BMP8A: variants seen among roughly 807,000 people sequenced by gnomAD.
BMP8A encodes BMP-8A.
A neutral mutation model predicts 36.8 loss-of-function variants in BMP8A; 14 were observed. The ratio of observed to expected loss-of-function variants is 0.38; its 90% CI spans 0.25 to 0.60. The LOEUF is 0.60. Ranked by LOEUF, BMP8A falls within the 20% of genes least tolerant of loss-of-function variation. BMP8A has a pLI of 0.63. For synonymous variants in BMP8A, 120 were observed against 237.7 expected (o/e 0.50, Z 4.55); for missense variants, 267 against 551.1 (o/e 0.48, Z 5.16).
chr1:39,509,268 T>G (rs1006978356), intron 1 of BMP8A, among the ~76,000 whole-genome samples: 4 of 152,204 alleles, frequency 2.6e-5, no homozygotes, highest in Non-Finnish European at 5.9e-5. Flanking sequence ...GGACTGATTT[T>G]GTCTTGCAAA....
At position 39,526,339 on chromosome 1, in the gene BMP8A, ATT is replaced by A. The variant is rs113902821; in HGVS notation, c.*556_*557del. Reference sequence around the variant, plus strand: ...GGACATCCCCACGAAGCCACTGGGGATTTTTTTTTTTTTTTTCCAGATAGAGT... The same window carrying A: ...GGACATCCCCACGAAGCCACTGGGGATTTTTTTTTTTTTTCCAGATAGAGT... On this transcript the variant is annotated 3_prime_UTR_variant, in exon 7 of 7. Transcript: ENST00000331593. 5.0e-5 allele frequency among the ~76,000 whole-genome samples: 7 copies of A among 140,842 alleles called. No individual in the cohort carries two copies. Among genetic ancestry groups the A allele is most frequent in the African/African-American group, 1.3e-4 (5 of 38,480 alleles). The allele number at this position is 140,842 out of a possible 152,430, so 92.4% of individuals were successfully genotyped here. A position where few individuals can be genotyped will look rare whatever the true frequency, so the allele number is the denominator to read the frequency against.
In BMP8A at chr1:39,529,730, C is replaced by T. The variant is rs1477809945; in HGVS notation, c.*3932C>T. Among the ~76,000 whole-genome samples, 1 of 152,220 alleles carries T rather than the reference C, an allele frequency of 6.6e-6. No homozygotes were observed. Among genetic ancestry groups the T allele is most frequent in the African/African-American group, 2.4e-5 (1 of 41,458 alleles). ...CCAGTCTTCTTACTTGGCACATATA[C>T]ATTTGTCTTTCTTTATATATGACAT... On this transcript the variant is annotated 3_prime_UTR_variant, in exon 7 of 7. Coordinates refer to ENST00000331593, the MANE Select transcript of BMP8A (RefSeq NM_181809.4).
At chr1:39,508,344 C>G (rs1202073023) in intron 1 of BMP8A, among the ~76,000 whole-genome samples, 1 of 152,228 alleles carries the variant, frequency 6.6e-6, no homozygotes, top group African/African-American at 2.4e-5. Flanking sequence ...TTCTGATGGT[C>G]CTGGCTGGGT....
chr1:39,493,161 G>A (rs1188086886), intron 1 of BMP8A, among the ~76,000 whole-genome samples: 1 of 151,768 alleles, frequency 6.6e-6, no homozygotes, highest in Non-Finnish European at 1.5e-5. Context: ...CTAGTGACAG[G>A]CCGGGGTCTG....
At chr1:39,505,916 G>A (rs1645296706) in intron 1 of BMP8A, among the ~76,000 whole-genome samples, 1 of 149,558 alleles carries the variant, frequency 6.7e-6, no homozygotes, top group Non-Finnish European at 1.5e-5. Flanking sequence ...AGCCCAGGTG[G>A]TTGAGGCTGC....
At chr1:39,517,404 T>C (rs1645401836) in intron 3 of BMP8A, among the ~76,000 whole-genome samples, 1 of 151,904 alleles carries the variant, frequency 6.6e-6, no homozygotes, top group Admixed American at 6.6e-5. Flanking sequence ...CAACCCCTGC[T>C]TCCTGGGTTC....
Position 39,529,820 on chromosome 1 carries a change from T to G in BMP8A, c.*4022T>G, listed in dbSNP as rs866616410. Among the ~76,000 whole-genome samples, 2 of 152,220 alleles carry G rather than the reference T, an allele frequency of 1.3e-5. No individual in the cohort carries two copies. Among genetic ancestry groups the G allele is most frequent in the Non-Finnish European group, 2.9e-5 (2 of 68,036 alleles). On this transcript the variant is annotated 3_prime_UTR_variant, in exon 7 of 7. Coordinates refer to ENST00000331593, the MANE Select transcript of BMP8A (RefSeq NM_181809.4). ...GCTTGGTGATCGGATCTATTCAATG[T>G]ACAAAATATTTTGAAAGTTTCTGTG...
At position 39,528,495 on chromosome 1, in the gene BMP8A, C is replaced by G. The variant is rs1645505060; in HGVS notation, c.*2697C>G. The stretch of plus-strand genomic sequence containing the variant: ...GGGGCCATTTGGTGCAGAACAACCC[C>G]CAACCCAGTGGCCATCTTCACAACT... On this transcript the variant is annotated 3_prime_UTR_variant, in exon 7 of 7. Coordinates refer to ENST00000331593, the MANE Select transcript of BMP8A (RefSeq NM_181809.4). Among the ~76,000 whole-genome samples the G allele has an allele frequency of 6.6e-6, 1 of 152,200 alleles. No individual in the cohort carries two copies. Among genetic ancestry groups the G allele is most frequent in the African/African-American group, 2.4e-5 (1 of 41,448 alleles).
At chr1:39,499,054 C>T (rs574334434) in intron 1 of BMP8A, among the ~76,000 whole-genome samples, 41 of 152,274 alleles carry the variant, frequency 2.7e-4, no homozygotes, top group Admixed American at 2.4e-3. Flanking sequence ...AGCTGACATG[C>T]GAGCCTCCCA....
chr1:39,514,905 G>A (rs1448565717), intron 3 of BMP8A: 1 of 1,427,860 alleles, frequency 7.0e-7, no homozygotes, highest in Non-Finnish European at 9.1e-7. Context: ...CGCGGCCCGA[G>A]GCGCACGCAG....
intron 1 of BMP8A, among the ~76,000 whole-genome samples, chr1:39,497,590 C>T (rs1456423878): frequency 6.6e-6 from 1 of 152,202 alleles, no homozygotes; most frequent in Non-Finnish European, 1.5e-5. Flanking sequence ...AGGCTCTTTC[C>T]AGGCAGAAGC....
At chr1:39,497,185 T>C (rs988535588) in intron 1 of BMP8A, among the ~76,000 whole-genome samples, 9 of 152,252 alleles carry the variant, frequency 5.9e-5, no homozygotes, top group South Asian at 2.1e-4. Context: ...GTTATGGACA[T>C]TCGGGTTGTT....
intron 1 of BMP8A, among the ~76,000 whole-genome samples, chr1:39,493,581 G>A (rs1451521244): frequency 3.3e-5 from 5 of 152,250 alleles, no homozygotes; most frequent in Non-Finnish European, 5.9e-5. Flanking sequence ...CTACACTAGA[G>A]CAGAAGAGGG....
chr1:39,523,065 T>C lies in BMP8A; in HGVS notation c.1007T>C (p.Phe336Ser). ...TATTACTGTGAGGGGGAGTGCTCCT[T>C]CCCGCTGGACTCCTGCATGAACGCC... Reference protein sequence around the residue: ...SAYYCEGECSFPLDSCMNATN... With the variant: ...SAYYCEGECSSPLDSCMNATN... Residue 336 changes from phenylalanine to serine, a missense_variant, in exon 6 of 7, where the codon TTC becomes TCC. Physicochemically the swap from Phe to Ser is radical, Grantham distance 155. Transcript: ENST00000331593. The C allele has an allele frequency of 3.1e-6, 5 of 1,613,898 alleles. No individual in the cohort carries two copies. Among genetic ancestry groups the C allele is most frequent in the Non-Finnish European group, 4.2e-6 (5 of 1,179,930 alleles).
intron 1 of BMP8A, among the ~76,000 whole-genome samples, chr1:39,496,433 A>G (rs1395094419): frequency 6.6e-6 from 1 of 150,622 alleles, no homozygotes; most frequent in Non-Finnish European, 1.5e-5. Flanking sequence ...ACACACAAGG[A>G]ATTTGCATCC....
intron 1 of BMP8A, among the ~76,000 whole-genome samples, chr1:39,504,073 G>T (rs1047951484): frequency 6.6e-6 from 1 of 152,236 alleles, no homozygotes; most frequent in African/African-American, 2.4e-5. Context: ...CACGCCACTA[G>T]TAATAAGATA....
rs1466581792 is a variant in BMP8A, at chr1:39,491,825, G to A, written c.-167G>A. The stretch of plus-strand genomic sequence containing the variant: ...GTCCGCTTGTCCCGGAGCCGGGGCA[G>A]GTGCGCGCGGGGGGCGCTCCAGGGA... On this transcript the variant is annotated 5_prime_UTR_variant, in exon 1 of 7. Transcript: ENST00000331593. 1.9e-5 allele frequency: 9 copies of A among 465,758 alleles called. No individual in the cohort carries two copies. The highest frequency in any genetic ancestry group is 2.3e-5 in the Non-Finnish European group (8 of 347,864). The allele number at this position is 465,758 out of a possible 1,614,324, so 28.9% of individuals were successfully genotyped here. A position where few individuals can be genotyped will look rare whatever the true frequency, so the allele number is the denominator to read the frequency against.
intron 1 of BMP8A, 24 bp downstream of exon 1, chr1:39,492,349 G>T (rs967521896): frequency 1.3e-5 from 20 of 1,526,510 alleles, no homozygotes; most frequent in Non-Finnish European, 1.7e-5. Context: ...CCCGCGCGGG[G>T]ACCCTCGGAG....
chr1:39,507,724 T>C (rs1028764710), intron 1 of BMP8A, among the ~76,000 whole-genome samples: 3 of 152,138 alleles, frequency 2.0e-5, no homozygotes, highest in African/African-American at 7.2e-5. Flanking sequence ...GACAAGGAAA[T>C]GCTCCCGAAT....
Sources: gnomAD v4.1 joint callset for allele counts (sites outside exome capture counted in the v4.1 genomes callset) on GRCh38, gnomAD v4.1.1 for gene constraint, MANE v1.5 for transcripts, NCBI Gene and HGNC (gene_info 2026-07-23, HGNC 2026-07-21) for gene names.